MAP3K9: variants seen among roughly 807,000 people sequenced by gnomAD.
MAP3K9 encodes the protein mitogen-activated protein kinase kinase kinase 9.
Under a neutral mutation model 95.8 loss-of-function variants are expected in MAP3K9, and 46 were observed. The observed-to-expected ratio is 0.48, with a 90% confidence interval of 0.38 to 0.61. The LOEUF (loss-of-function observed/expected upper bound fraction) is 0.61. MAP3K9 is among the 20% of genes least tolerant of loss of function. MAP3K9 has a pLI of 0.00. For synonymous variants in MAP3K9, 533 were observed against 593.8 expected (o/e 0.90, Z 1.49); for missense variants, 1,296 against 1,474.3 (o/e 0.88, Z 1.98).
At chr14:70,808,348 G>A (rs1034750664) in intron 1 of MAP3K9, among the ~76,000 whole-genome samples, 3 of 151,868 alleles carry the variant, frequency 2.0e-5, no homozygotes, top group Non-Finnish European at 2.9e-5. Context: ...CGTTAGAAGA[G>A]GTGGTGGCAA....
chr14:70,761,245 A>G (rs2054370900), intron 2 of MAP3K9, 63 bp from the exon 3 acceptor site: 1 of 1,388,310 alleles, frequency 7.2e-7, no homozygotes, highest in South Asian at 1.3e-5. Context: ...AAACCACAGA[A>G]CAGAACTCTT....
At chr14:70,748,638 G>A (rs2054182249) in intron 5 of MAP3K9, among the ~76,000 whole-genome samples, 191 bp downstream of exon 5, 1 of 152,174 alleles carries the variant, frequency 6.6e-6, no homozygotes, top group South Asian at 2.1e-4. Flanking sequence ...TCCAAGCACT[G>A]GGATTTTGCC....
intron 1 of MAP3K9, among the ~76,000 whole-genome samples, chr14:70,802,396 T>C (rs2054940066): frequency 6.6e-6 from 1 of 152,208 alleles, no homozygotes; most frequent in African/African-American, 2.4e-5. Flanking sequence ...AATCCAGAAT[T>C]TGAACCTAAG....
chr14:70,750,012 G>C lies in MAP3K9; in HGVS notation c.1071C>G (p.Val357=). ...GTTTGTTCATGGCCACTCCATAAGC[G>C]ACTGCTAAGCCATCAATGCCTCGAA... ...VPFRGIDGLA[V]AYGVAMNKLA... is the part of the protein sequence containing the mutation. Residue 357 remains valine, a synonymous_variant, in exon 4 of 12, where the codon GTC becomes GTG. Transcript: ENST00000554752. 6.2e-7 allele frequency: 1 copy of C among 1,614,170 alleles called. No homozygotes were observed. The highest frequency in any genetic ancestry group is 8.5e-7 in the Non-Finnish European group (1 of 1,180,028).
At chr14:70,742,955 T>C (rs937988752) in intron 5 of MAP3K9, among the ~76,000 whole-genome samples, 2 of 149,168 alleles carry the variant, frequency 1.3e-5, no homozygotes, top group Non-Finnish European at 3.0e-5. Flanking sequence ...ATAGAAAATA[T>C]AATCATGTAT....
At chr14:70,768,860 C>T (rs1373477075) in intron 2 of MAP3K9, among the ~76,000 whole-genome samples, 5 of 152,192 alleles carry the variant, frequency 3.3e-5, no homozygotes, top group East Asian at 1.9e-4. Flanking sequence ...TTGCTAAATG[C>T]TCACCTTGGT....
At chr14:70,796,092 T>C (rs1168904755) in intron 2 of MAP3K9, among the ~76,000 whole-genome samples, 1 of 152,164 alleles carries the variant, frequency 6.6e-6, no homozygotes, top group Non-Finnish European at 1.5e-5. Flanking sequence ...TAAACTGCTC[T>C]TCTGCCCAAT....
In MAP3K9 at chr14:70,749,019, T is replaced by C; in HGVS notation, c.1151-15A>G. 8 of 1,604,850 alleles carry C rather than the reference T, an allele frequency of 5.0e-6. No individual in the cohort carries two copies. Among genetic ancestry groups the C allele is most frequent in the Non-Finnish European group, 6.8e-6 (8 of 1,174,346 alleles). On this transcript the variant is annotated splice_polypyrimidine_tract_variant and intron_variant, in intron 4 of 11. Coordinates refer to ENST00000554752, the MANE Select transcript of MAP3K9 (RefSeq NM_001284230.2). Reference sequence around the variant, plus strand: ...ATTCCAGCAGTCTGAATAGAACATGTGAATACTCAGAAAGCATGAATGGAC... The same window carrying C: ...ATTCCAGCAGTCTGAATAGAACATGCGAATACTCAGAAAGCATGAATGGAC...
chr14:70,736,799 G>A (rs1168239110), intron 8 of MAP3K9, among the ~76,000 whole-genome samples: 12 of 152,172 alleles, frequency 7.9e-5, no homozygotes, highest in African/African-American at 1.2e-4. Flanking sequence ...GGATTCCATC[G>A]CTGGATTCTT....
At chr14:70,748,743 A>G in intron 5 of MAP3K9, 86 bp downstream of exon 5, 2 of 1,038,202 alleles carry the variant, frequency 1.9e-6, no homozygotes, top group Non-Finnish European at 1.4e-6. Context: ...CTCGGTCCAG[A>G]GGTCCCTGTG....
chr14:70,735,762 G>C (rs927916540), intron 9 of MAP3K9, among the ~76,000 whole-genome samples, 199 bp downstream of exon 9: 11 of 152,260 alleles, frequency 7.2e-5, no homozygotes, highest in East Asian at 3.9e-4. Context: ...GTGGAGTGAA[G>C]AATATGGTAA....
intron 2 of MAP3K9, among the ~76,000 whole-genome samples, chr14:70,799,232 G>A (rs2054901396): frequency 6.6e-6 from 1 of 151,802 alleles, no homozygotes. Flanking sequence ...CAAACTCCTG[G>A]GCTCAAGCAA....
At position 70,730,428 on chromosome 14, in the gene MAP3K9, G is replaced by A. The variant is rs199565275; in HGVS notation, c.3267C>T (p.Asn1089=). ...STVPLCRAEL[N]THRPAPYEIQ... is the part of the protein sequence containing the mutation. The stretch of plus-strand genomic sequence containing the variant: ...TCTCATAAGGGGCAGGCCTGTGTGT[G>A]TTCAGTTCCGCTCTGCACAGCGGCA... Residue 1089 remains asparagine, a synonymous_variant, in exon 12 of 12, where the codon AAC becomes AAT. Transcript: ENST00000554752. 5.0e-6 allele frequency: 8 copies of A among 1,614,178 alleles called. No individual in the cohort carries two copies. In the East Asian group the frequency reaches 8.9e-5, roughly 18 times the overall value.
At chr14:70,778,267 C>A (rs969463869) in intron 2 of MAP3K9, among the ~76,000 whole-genome samples, 1 of 137,658 alleles carries the variant, frequency 7.3e-6, no homozygotes, top group East Asian at 2.0e-4. Flanking sequence ...CACATCACCA[C>A]GCCCAGCTAT....
intron 2 of MAP3K9, among the ~76,000 whole-genome samples, chr14:70,766,675 A>G (rs555208127): frequency 4.6e-5 from 7 of 152,340 alleles, no homozygotes; most frequent in African/African-American, 1.7e-4. Flanking sequence ...AACCAGACAC[A>G]GAAAGGTTAA....
At chr14:70,750,911 A>T (rs8014624) in intron 3 of MAP3K9, among the ~76,000 whole-genome samples, 77,492 of 152,062 alleles carry the variant, frequency 0.51, 19,912 homozygotes, top group South Asian at 0.62. Context: ...AAGTGCTAGG[A>T]TTAACAGATT....
rs759720980 is a variant in MAP3K9 at position 70,730,541 on chromosome 14, G to C, written c.3154C>G (p.Leu1052Val). 5 of 1,613,878 alleles carry C rather than the reference G, an allele frequency of 3.1e-6. No homozygotes were observed. Among genetic ancestry groups the C allele is most frequent in the Non-Finnish European group, 4.2e-6 (5 of 1,180,042 alleles). Residue 1052 changes from leucine to valine, a missense_variant, in exon 12 of 12, where the codon CTG becomes GTG. Physicochemically the swap from Leu to Val is conservative, Grantham distance 32. This residue lies in a region of MAP3K9 where 433 missense variants were observed against 441.4 expected (regional missense o/e 0.98). Transcript: ENST00000554752. ...AGCGGCCCTGCCTGGAACGGGAGCA[G>C]GGCTGGAAGTCCAGGCCGCTCCTCT... ...TVEERPGLPA[L>V]LPFQAGPLPP...
intron 2 of MAP3K9, among the ~76,000 whole-genome samples, chr14:70,780,795 C>G (rs1030739995): frequency 6.6e-6 from 1 of 152,174 alleles, no homozygotes; most frequent in Non-Finnish European, 1.5e-5. Context: ...GAAGAGCTGC[C>G]AGATCTCCGT....
At chr14:70,737,510 G>C (rs933334498) in intron 8 of MAP3K9, among the ~76,000 whole-genome samples, 1 of 152,276 alleles carries the variant, frequency 6.6e-6, no homozygotes, top group South Asian at 2.1e-4. Flanking sequence ...TCAAGCCCAC[G>C]AGTGAGAACA....
Sources: allele counts gnomAD v4.1 joint callset (sites outside exome capture counted in the v4.1 genomes callset), GRCh38; gene constraint gnomAD v4.1.1; regional missense constraint gnomAD v4.1.1; transcripts MANE v1.5; gene names NCBI Gene and HGNC (gene_info 2026-07-23, HGNC 2026-07-21).